The following EIF3J variants were observed in gnomAD, a reference collection of about 807,000 sequenced individuals.
EIF3J encodes eukaryotic translation initiation factor 3 subunit J.
In EIF3J, 15 loss-of-function variants were observed where a neutral mutation model predicts 39.0. That is an observed-to-expected ratio of 0.38 (90% CI 0.26 to 0.59). The LOEUF (loss-of-function observed/expected upper bound fraction) is 0.59, where lower values mean the gene tolerates loss of function less well. Ranked by LOEUF, EIF3J falls within the 20% of genes least tolerant of loss-of-function variation. EIF3J has a pLI of 0.60. For missense variants in EIF3J, 226 were observed against 308.6 expected (o/e 0.73, Z 2.00); for synonymous variants, 98 against 112.9 (o/e 0.87, Z 0.84).
At chr15:44,548,125 A>T (rs2082069335) in intron 2 of EIF3J, among the ~76,000 whole-genome samples, 1 of 152,216 alleles carries the variant, frequency 6.6e-6, no homozygotes. Flanking sequence ...AAGCCTCTGT[A>T]ATTAAAACAG....
At chr15:44,542,707 T>C (rs1465742934) in intron 2 of EIF3J, among the ~76,000 whole-genome samples, 1 of 152,262 alleles carries the variant, frequency 6.6e-6, no homozygotes. Flanking sequence ...CAGCCATCTC[T>C]TTCATAGAAA....
intron 6 of EIF3J, among the ~76,000 whole-genome samples, chr15:44,558,530 A>G (rs993044169): frequency 8.7e-5 from 13 of 149,018 alleles, no homozygotes; most frequent in Admixed American, 4.0e-4. Context: ...CTCCGTCTCA[A>G]AAAAAAAAAA....
rs2082200622 is a variant in EIF3J at position 44,561,860 on chromosome 15, T to C, written c.*711T>C. The C allele has an allele frequency of 6.6e-6, 1 of 152,598 alleles. No individual in the cohort carries two copies. The highest frequency in any genetic ancestry group is 2.1e-4 in the South Asian group (1 of 4,836). The allele number at this position is 152,598 out of a possible 1,614,324, so 9.5% of individuals were successfully genotyped here. A position where few individuals can be genotyped will look rare whatever the true frequency, so the allele number is the denominator to read the frequency against. ...GCTTCAGGTGGGGGAGGGAAACTTA[T>C]TTTTATTTGCCTGATTTAAGTGTCT... On this transcript the variant is annotated 3_prime_UTR_variant, in exon 8 of 8. Transcript: ENST00000261868.
rs754155907 is a variant in EIF3J, at chr15:44,560,342, G to A, written c.645+20G>A. 1.2e-6 allele frequency: 2 copies of A among 1,609,344 alleles called. No individual in the cohort carries two copies. The highest frequency in any genetic ancestry group is 1.7e-6 in the Non-Finnish European group (2 of 1,177,676). ...GAAAAGGTAAGAGCAAGCTGTGTAG[G>A]GAAATGGGTATTAAATTAGAGTGGG... On this transcript the variant is annotated intron_variant, in intron 7 of 7. Transcript: ENST00000261868.
chr15:44,561,164 T>C lies in EIF3J; in HGVS notation c.*15T>C, dbSNP rs185323482. On this transcript the variant is annotated 3_prime_UTR_variant, in exon 8 of 8. Coordinates refer to ENST00000261868, the MANE Select transcript of EIF3J (RefSeq NM_003758.4). ...ACTTCATGTGACATTTTATCTTTTCTTGGTGTCATCTTTATGTTGCCCACA... is the reference window on the plus strand; with the variant it reads ...ACTTCATGTGACATTTTATCTTTTCCTGGTGTCATCTTTATGTTGCCCACA... 14 of 1,605,960 alleles carry C rather than the reference T, an allele frequency of 8.7e-6. No individual in the cohort carries two copies. Among genetic ancestry groups the C allele is most frequent in the Non-Finnish European group, 1.7e-6 (2 of 1,177,822 alleles).
At chr15:44,542,764 G>C (rs1276505743) in intron 2 of EIF3J, among the ~76,000 whole-genome samples, 2 of 152,196 alleles carry the variant, frequency 1.3e-5, no homozygotes, top group Non-Finnish European at 1.5e-5. Context: ...GTATAGATAA[G>C]CAAGTAGTTT....
At chr15:44,548,717 G>A (rs1321596989) in intron 2 of EIF3J, among the ~76,000 whole-genome samples, 1 of 152,144 alleles carries the variant, frequency 6.6e-6, no homozygotes, top group Non-Finnish European at 1.5e-5. Context: ...GAGCACAAAG[G>A]ATTGCAGGAG....
chr15:44,540,508 A>C (rs2082005882), intron 2 of EIF3J, among the ~76,000 whole-genome samples: 1 of 139,874 alleles, frequency 7.1e-6, no homozygotes, highest in Non-Finnish European at 1.5e-5. Context: ...CTGAGGTTAA[A>C]GCGATCTTCC....
intron 5 of EIF3J, among the ~76,000 whole-genome samples, chr15:44,555,982 A>C (rs1278514483): frequency 2.6e-5 from 4 of 151,490 alleles, no homozygotes; most frequent in African/African-American, 4.9e-5. Context: ...TTAGCCTCCC[A>C]AGTAGCTGGG....
intron 2 of EIF3J, among the ~76,000 whole-genome samples, chr15:44,539,668 G>A (rs963544416): frequency 1.3e-5 from 2 of 151,788 alleles, no homozygotes; most frequent in African/African-American, 4.8e-5. Flanking sequence ...CCAAAGTGCT[G>A]GGATTACAGG....
chr15:44,539,756 A>T (rs2081994386), intron 2 of EIF3J, among the ~76,000 whole-genome samples: 1 of 142,628 alleles, frequency 7.0e-6, no homozygotes. Flanking sequence ...TTTTTAACTT[A>T]AAGCAATCTA....
intron 6 of EIF3J, chr15:44,558,931 T>C (rs1269812849): frequency 6.6e-6 from 1 of 152,218 alleles, no homozygotes; most frequent in Non-Finnish European, 1.5e-5. Context: ...CACTTTCTGG[T>C]AGCTAAAAAC....
At chr15:44,550,825 A>T in intron 2 of EIF3J, 51 bp from the exon 3 acceptor site, 1 of 1,302,064 alleles carries the variant, frequency 7.7e-7, no homozygotes, top group Non-Finnish European at 1.1e-6. Flanking sequence ...AATAAAGTTC[A>T]CATAGAAAAG....
At position 44,562,801 on chromosome 15, in the gene EIF3J, G is replaced by A. The variant is rs886051175; in HGVS notation, c.*1652G>A. On this transcript the variant is annotated 3_prime_UTR_variant, in exon 8 of 8. Coordinates refer to ENST00000261868, the MANE Select transcript of EIF3J (RefSeq NM_003758.4). Reference sequence around the variant, plus strand: ...TAATAATTAAATTTCTTTGAAACTGGAATCTGCAGGTACAGGTATTCTTTA... The same window carrying A: ...TAATAATTAAATTTCTTTGAAACTGAAATCTGCAGGTACAGGTATTCTTTA... The A allele has an allele frequency of 4.0e-6, 1 of 251,454 alleles. No individual in the cohort carries two copies. The highest frequency in any genetic ancestry group is 7.8e-6 in the Non-Finnish European group (1 of 128,958). The allele number at this position is 251,454 out of a possible 1,614,324, so 15.6% of individuals were successfully genotyped here.
At position 44,561,855 on chromosome 15, in the gene EIF3J, A is replaced by ACTT. The variant is rs1427521554; in HGVS notation, c.*707_*709dup. The ACTT allele has an allele frequency of 1.3e-5, 2 of 152,564 alleles. No individual in the cohort carries two copies. The highest frequency in any genetic ancestry group is 4.8e-5 in the African/African-American group (2 of 41,412). 9.5% of individuals were successfully genotyped at this position (152,564 alleles called of 1,614,324 possible). A position where few individuals can be genotyped will look rare whatever the true frequency, so the allele number is the denominator to read the frequency against. On this transcript the variant is annotated 3_prime_UTR_variant, in exon 8 of 8. Transcript: ENST00000261868. ...GAACTGCTTCAGGTGGGGGAGGGAAACTTATTTTTATTTGCCTGATTTAAG... is the reference window on the plus strand; with the variant it reads ...GAACTGCTTCAGGTGGGGGAGGGAAACTTCTTATTTTTATTTGCCTGATTTAAG...
At chr15:44,555,221 T>G (rs1255489467) in intron 5 of EIF3J, among the ~76,000 whole-genome samples, 1 of 152,218 alleles carries the variant, frequency 6.6e-6, no homozygotes, top group Non-Finnish European at 1.5e-5. Flanking sequence ...TATAAATAGA[T>G]AAATTCAGAG....
chr15:44,560,532 A>T (rs2082182981), intron 7 of EIF3J: 2 of 518,376 alleles, frequency 3.9e-6, no homozygotes, highest in Admixed American at 3.7e-5. Flanking sequence ...GAAATTGCTG[A>T]AATCACAGAC....
chr15:44,557,076 T>A (rs1047273934), intron 5 of EIF3J, among the ~76,000 whole-genome samples: 1 of 152,214 alleles, frequency 6.6e-6, no homozygotes, highest in Non-Finnish European at 1.5e-5. Flanking sequence ...ATTATATGCT[T>A]CCTTATCGAT....
At chr15:44,538,490 G>A (rs2140887573) in intron 2 of EIF3J, among the ~76,000 whole-genome samples, 1 of 152,106 alleles carries the variant, frequency 6.6e-6, no homozygotes, top group African/African-American at 2.4e-5. Flanking sequence ...TATAAATCCT[G>A]CCTGGGCTGA....
Sources: allele counts gnomAD v4.1 joint callset (sites outside exome capture counted in the v4.1 genomes callset), GRCh38; gene constraint gnomAD v4.1.1; transcripts MANE v1.5; gene names NCBI Gene and HGNC (gene_info 2026-07-23, HGNC 2026-07-21).